ZNF497: variants seen among roughly 807,000 people sequenced by gnomAD.
The protein encoded by ZNF497 is zinc finger protein 497.
For missense variants in ZNF497, 930 were observed against 714.0 expected (o/e 1.30, Z -3.45); for synonymous variants, 422 against 313.7 (o/e 1.35, Z -3.65).
At position 58,357,172 on chromosome 19, in the gene ZNF497, A is replaced by G. The variant is rs904201585; in HGVS notation, c.464T>C (p.Ile155Thr). Residue 155 changes from isoleucine to threonine, a missense_variant, in exon 3 of 3, where the codon ATC (isoleucine) becomes ACC (threonine). Transcript: ENST00000311044. ...WSSNLSQHQR[I>T]HSGEKPYACR... Reference sequence around the variant, plus strand: ...AGCGTAGGGCTTCTCGCCGCTGTGGATGCGCTGGTGCTGGCTGAGGTTGGA... The same window carrying G: ...AGCGTAGGGCTTCTCGCCGCTGTGGGTGCGCTGGTGCTGGCTGAGGTTGGA... 1.9e-6 allele frequency: 3 copies of G among 1,611,084 alleles called. No individual in the cohort carries two copies. Among genetic ancestry groups the G allele is most frequent in the Admixed American group, 3.3e-5 (2 of 59,792 alleles).
At chr19:58,359,223 C>G in intron 1 of ZNF497, 1 of 1,290,676 alleles carries the variant, frequency 7.7e-7, no homozygotes, top group Non-Finnish European at 1.0e-6. Flanking sequence ...CTCGGGAAGA[C>G]CTGGGGGGCC....
In ZNF497 at chr19:58,357,152, A is replaced by G. The variant is rs758895098; in HGVS notation, c.484T>C (p.Tyr162His). 6 of 1,611,788 alleles carry G rather than the reference A, an allele frequency of 3.7e-6. No individual in the cohort carries two copies. In the East Asian group the frequency reaches 1.3e-4, roughly 36 times the overall value. Residue 162 changes from tyrosine to histidine, a missense_variant, in exon 3 of 3, where the codon TAC (tyrosine) becomes CAC (histidine). Physicochemically the swap from Tyr to His is moderately conservative, Grantham distance 83 (BLOSUM62 2). Transcript: ENST00000311044. ...GCCTTGCCGCACTCCCTGCAAGCGT[A>G]GGGCTTCTCGCCGCTGTGGATGCGC... ...HQRIHSGEKP[Y>H]ACRECGKAFR...
chr19:58,356,024 C>T lies in ZNF497; in HGVS notation c.*115G>A, dbSNP rs933472679. 8.0e-7 allele frequency: 1 copy of T among 1,252,108 alleles called. No individual in the cohort carries two copies. The highest frequency in any genetic ancestry group is 2.9e-5 in the Admixed American group (1 of 34,066). 77.6% of individuals were successfully genotyped at this position (1,252,108 alleles called of 1,614,324 possible). A position where few individuals can be genotyped will look rare whatever the true frequency, so the allele number is the denominator to read the frequency against. ...CCCAAGGCCGCCCCTGCACTCCCAG[C>T]AGGAGGGCGCCCGCACCGGCGGCCC... On this transcript the variant is annotated 3_prime_UTR_variant, in exon 3 of 3. Coordinates refer to ENST00000311044, the MANE Select transcript of ZNF497 (RefSeq NM_198458.3).
rs746149432 is a variant in ZNF497, at chr19:58,357,168, G to T, written c.468C>A (p.His156Gln). 1.2e-6 allele frequency: 2 copies of T among 1,613,402 alleles called. No individual in the cohort carries two copies. The highest frequency in any genetic ancestry group is 1.1e-5 in the South Asian group (1 of 91,064). Residue 156 changes from histidine (H) to glutamine (Q), a missense_variant, in exon 3 of 3, where the codon CAC (histidine) becomes CAA (glutamine). By Grantham distance (24) the His-to-Gln change is conservative (BLOSUM62 0). Transcript: ENST00000311044. ...TGCAAGCGTAGGGCTTCTCGCCGCTGTGGATGCGCTGGTGCTGGCTGAGGT... is the reference window on the plus strand; with the variant it reads ...TGCAAGCGTAGGGCTTCTCGCCGCTTTGGATGCGCTGGTGCTGGCTGAGGT... ...SSNLSQHQRI[H>Q]SGEKPYACRE...
intron 1 of ZNF497, among the ~76,000 whole-genome samples, chr19:58,360,040 T>G (rs1197740449): frequency 6.6e-6 from 1 of 151,974 alleles, no homozygotes; most frequent in African/African-American, 2.4e-5. Context: ...AATATTATGC[T>G]AAGTGTAAAT....
rs1156573281 is a variant in ZNF497 at position 58,357,071 on chromosome 19, G to T, written c.565C>A (p.Pro189Thr). ...HHQETHSGLK[P>T]FRCPDCGKSF... ...TTGCCGCAGTCCGGGCAGCGGAAGGGCTTCAGGCCGCTGTGTGTCTCCTGG... is the reference window on the plus strand; with the variant it reads ...TTGCCGCAGTCCGGGCAGCGGAAGGTCTTCAGGCCGCTGTGTGTCTCCTGG... The change falls in exon 3 of 3, where the codon CCC (proline) becomes ACC (threonine). Residue 189 changes from proline to threonine, a missense_variant. Pro to Thr is a conservative substitution (Grantham distance 38). Transcript: ENST00000311044. 5.0e-6 allele frequency: 8 copies of T among 1,611,016 alleles called. No individual in the cohort carries two copies. Among genetic ancestry groups the T allele is most frequent in the Middle Eastern group, 1.7e-4 (1 of 6,060 alleles).
Sources: gnomAD v4.1 joint callset for allele counts (sites outside exome capture counted in the v4.1 genomes callset) on GRCh38, gnomAD v4.1.1 for gene constraint, MANE v1.5 for transcripts, NCBI Gene and HGNC (gene_info 2026-07-23, HGNC 2026-07-21) for gene names.